CWF19L1: variants seen among roughly 807,000 people sequenced by gnomAD.
CWF19L1 encodes the protein CWF19-like protein 1.
In CWF19L1, 60 loss-of-function variants were observed where a neutral mutation model predicts 69.7. That is an observed-to-expected ratio of 0.86 (90% CI 0.70 to 1.07). The LOEUF (loss-of-function observed/expected upper bound fraction) is 1.07. Ranked by LOEUF, CWF19L1 falls within the 50% of genes least tolerant of loss-of-function variation. The pLI, the probability that CWF19L1 is intolerant of heterozygous loss-of-function variation, is 0.00. For synonymous variants in CWF19L1, 209 were observed against 222.2 expected, an observed-to-expected ratio of 0.94 and a Z score of 0.53; for missense variants, 591 against 638.9, an observed-to-expected ratio of 0.92 and a Z score of 0.81.
At position 100,261,001 on chromosome 10, in the gene CWF19L1, G is replaced by C. The variant is rs1004014640; in HGVS notation, c.152C>G (p.Ala51Gly). The C allele has an allele frequency of 3.1e-6, 5 of 1,612,240 alleles. No individual in the cohort carries two copies. The highest frequency in any genetic ancestry group is 4.2e-6 in the Non-Finnish European group (5 of 1,178,862). ...GCCAGTCTTATACTCCTCCCATTCA[G>C]CATCTTGGGTGGAGCCAAAGAAATT... ...VGNFFGSTQD[A>G]EWEEYKTGIK... Residue 51 changes from alanine (A) to glycine (G), a missense_variant, in exon 3 of 14, where the codon GCT (alanine) becomes GGT (glycine). Ala to Gly is a moderately conservative substitution (Grantham distance 60). Around this residue, in one of 3 missense-constraint regions of CWF19L1, gnomAD observed 129 missense variants for 131.3 expected, o/e 0.98. Coordinates refer to ENST00000354105, the MANE Select transcript of CWF19L1 (RefSeq NM_018294.6).
At chr10:100,239,793 T>C (rs1846579676) in intron 10 of CWF19L1, among the ~76,000 whole-genome samples, 1 of 152,212 alleles carries the variant, frequency 6.6e-6, no homozygotes. Flanking sequence ...TGTCCTTGAT[T>C]TGTTTGGCAG....
In CWF19L1 at chr10:100,250,249, T is replaced by A; in HGVS notation, c.707A>T (p.Lys236Met). 1 of 1,599,242 alleles carries A rather than the reference T, an allele frequency of 6.3e-7. No homozygotes were observed. Among genetic ancestry groups the A allele is most frequent in the South Asian group, 1.1e-5 (1 of 90,802 alleles). Residue 236 changes from lysine to methionine, a missense_variant and splice_region_variant, in exon 7 of 14, where the codon AAG (lysine) becomes ATG (methionine). Lys to Met is a moderately conservative substitution (Grantham distance 95). Coordinates refer to ENST00000354105, the MANE Select transcript of CWF19L1 (RefSeq NM_018294.6). The part of the protein sequence containing the change: ...LANVGNPEKK[K>M]YLYAFSIVPM... ...TCCACCAAATAGGTAAATCTTTACC[T>A]TTTTCTTTTCTGGATTTCCAACATT...
intron 13 of CWF19L1, among the ~76,000 whole-genome samples, chr10:100,234,454 G>A (rs1010166388): frequency 2.6e-5 from 4 of 152,040 alleles, no homozygotes; most frequent in Non-Finnish European, 4.4e-5. Flanking sequence ...ATCTGCAATC[G>A]TGTGCTTATG....
At chr10:100,239,842 G>T (rs1310571201) in intron 10 of CWF19L1, among the ~76,000 whole-genome samples, 1 of 152,138 alleles carries the variant, frequency 6.6e-6, no homozygotes, top group Non-Finnish European at 1.5e-5. Flanking sequence ...TTTTCCAGAT[G>T]ACTAAAGTTG....
intron 1 of CWF19L1, 86 bp downstream of exon 1, chr10:100,267,485 C>T: frequency 3.7e-6 from 6 of 1,612,100 alleles, no homozygotes; most frequent in Non-Finnish European, 5.1e-6. Flanking sequence ...TCTCCCTTCC[C>T]GTCATGGGAA....
At chr10:100,237,401 C>A (rs572783471) in intron 11 of CWF19L1, 1 of 397,080 alleles carries the variant, frequency 2.5e-6, no homozygotes, top group Non-Finnish European at 5.0e-6. Context: ...GGCCTCCACA[C>A]AAAATACTCA....
intron 7 of CWF19L1, among the ~76,000 whole-genome samples, chr10:100,249,882 A>G (rs565329543): frequency 2.0e-5 from 3 of 152,326 alleles, no homozygotes; most frequent in African/African-American, 4.8e-5. Flanking sequence ...CACCATGCCC[A>G]GCTCTTTGGG....
In CWF19L1 at chr10:100,256,301, G is replaced by A. The variant is rs1847210647; in HGVS notation, c.465C>T (p.Ser155=). 18 of 1,614,112 alleles carry A rather than the reference G, an allele frequency of 1.1e-5. No individual in the cohort carries two copies. Among genetic ancestry groups the A allele is most frequent in the Non-Finnish European group, 1.4e-5 (17 of 1,180,000 alleles). ...AGTTCCCCACACACTTGGGCCATGG[G>A]GATGTGAGCAAGATATCAACACCCT... The part of the protein sequence containing the change: ...QFKGVDILLT[S]PWPKCVGNFG... The change falls in exon 5 of 14, where the codon TCC becomes TCT. Residue 155 remains serine (S), a synonymous_variant. Coordinates refer to ENST00000354105, the MANE Select transcript of CWF19L1 (RefSeq NM_018294.6).
chr10:100,267,013 G>C (rs571145005), intron 1 of CWF19L1, among the ~76,000 whole-genome samples: 1 of 151,808 alleles, frequency 6.6e-6, no homozygotes, highest in African/African-American at 2.4e-5. Context: ...TGTTCCTCTA[G>C]ACTCTACGCT....
chr10:100,259,152 G>C (rs1352359160), intron 4 of CWF19L1, among the ~76,000 whole-genome samples: 3 of 148,828 alleles, frequency 2.0e-5, no homozygotes, highest in African/African-American at 7.5e-5. Flanking sequence ...AGTAAGCCGA[G>C]ATCATGCCAC....
At chr10:100,252,706 C>A (rs981608552) in intron 6 of CWF19L1, among the ~76,000 whole-genome samples, 1 of 150,110 alleles carries the variant, frequency 6.7e-6, no homozygotes, top group Non-Finnish European at 1.5e-5. Context: ...CGTGGTGGCA[C>A]GCACCTGTAA....
At chr10:100,247,935 A>G (rs1274694806) in intron 7 of CWF19L1, among the ~76,000 whole-genome samples, 2 of 152,022 alleles carry the variant, frequency 1.3e-5, no homozygotes, top group African/African-American at 2.4e-5. Context: ...CCAGTGAGAA[A>G]TATGGAGGGG....
intron 9 of CWF19L1, among the ~76,000 whole-genome samples, chr10:100,244,991 G>C (rs536008701): frequency 2.3e-4 from 35 of 151,002 alleles, no homozygotes; most frequent in Non-Finnish European, 4.4e-4. Context: ...TAAAGCTCTA[G>C]TTTCTGAATC....
chr10:100,233,155 A>G lies in CWF19L1; in HGVS notation c.*72T>C. 4 of 1,450,234 alleles carry G rather than the reference A, an allele frequency of 2.8e-6. No individual in the cohort carries two copies. Among genetic ancestry groups the G allele is most frequent in the East Asian group, 2.4e-5 (1 of 42,400 alleles). 89.8% of individuals were successfully genotyped at this position (1,450,234 alleles called of 1,614,324 possible). A position where few individuals can be genotyped will look rare whatever the true frequency, so the allele number is the denominator to read the frequency against. Reference sequence around the variant, plus strand: ...AGAGCGAGACTTTGTCTCAAAAAAAATTCTTTTAATTAAAAAAAAAAAAAA... The same window carrying G: ...AGAGCGAGACTTTGTCTCAAAAAAAGTTCTTTTAATTAAAAAAAAAAAAAA... On this transcript the variant is annotated 3_prime_UTR_variant, in exon 14 of 14. Coordinates refer to ENST00000354105, the MANE Select transcript of CWF19L1 (RefSeq NM_018294.6).
rs1283901043 is a variant in CWF19L1 at position 100,253,557 on chromosome 10, A to G, written c.505-18T>C. 3 of 1,448,366 alleles carry G rather than the reference A, an allele frequency of 2.1e-6. No individual in the cohort carries two copies. Among genetic ancestry groups the G allele is most frequent in the East Asian group, 4.5e-5 (2 of 44,094 alleles). 89.7% of individuals were successfully genotyped at this position (1,448,366 alleles called of 1,614,324 possible). A position where few individuals can be genotyped will look rare whatever the true frequency, so the allele number is the denominator to read the frequency against. ...ACTTCTCCCTAGTAAACAAAAACTT[A>G]GTCATCCATACAGACCAAAAGTTAT... On this transcript the variant is annotated intron_variant, in intron 5 of 13. Coordinates refer to ENST00000354105, the MANE Select transcript of CWF19L1 (RefSeq NM_018294.6).
At chr10:100,239,561 C>T (rs1303857022) in intron 10 of CWF19L1, among the ~76,000 whole-genome samples, 2 of 152,152 alleles carry the variant, frequency 1.3e-5, no homozygotes, top group African/African-American at 4.8e-5. Context: ...ATTGCTTGAA[C>T]CTGGAAGGCG....
intron 4 of CWF19L1, among the ~76,000 whole-genome samples, 178 bp downstream of exon 4, chr10:100,260,040 C>T (rs1470748825): frequency 2.6e-5 from 4 of 152,000 alleles, no homozygotes; most frequent in East Asian, 1.9e-4. Flanking sequence ...TGGTCACACA[C>T]GCCTGTAATC....
At chr10:100,249,637 T>A (rs1461541708) in intron 7 of CWF19L1, among the ~76,000 whole-genome samples, 5 of 152,034 alleles carry the variant, frequency 3.3e-5, no homozygotes, top group African/African-American at 1.2e-4. Flanking sequence ...CAGGCTGGAG[T>A]GCAGTGGCCC....
At chr10:100,247,938 T>C (rs755111843) in intron 7 of CWF19L1, among the ~76,000 whole-genome samples, 1 of 151,218 alleles carries the variant, frequency 6.6e-6, no homozygotes, top group Admixed American at 6.6e-5. Context: ...GTGAGAAATA[T>C]GGAGGGGGAA....
Sources: allele counts gnomAD v4.1 joint callset (sites outside exome capture counted in the v4.1 genomes callset), GRCh38; gene constraint gnomAD v4.1.1; regional missense constraint gnomAD v4.1.1; transcripts MANE v1.5; gene names NCBI Gene and HGNC (gene_info 2026-07-23, HGNC 2026-07-21).